The following CLASP2 variants were observed in gnomAD, a reference collection of about 807,000 sequenced individuals.
The protein encoded by CLASP2 is cytoplasmic linker associated protein 2.
Under a neutral mutation model 194.4 loss-of-function variants are expected in CLASP2, and 47 were observed. The ratio of observed to expected loss-of-function variants is 0.24; its 90% confidence interval spans 0.19 to 0.31. The LOEUF (loss-of-function observed/expected upper bound fraction) is 0.31. CLASP2 is among the 10% of genes least tolerant of loss of function. The pLI, the probability that CLASP2 is intolerant of heterozygous loss-of-function variation, is 1.00. For missense variants in CLASP2, 1,445 were observed against 1,823.6 expected, an observed-to-expected ratio of 0.79 and a Z score of 3.78; for synonymous variants, 619 against 633.5, an observed-to-expected ratio of 0.98 and a Z score of 0.34.
intron 12 of CLASP2, among the ~76,000 whole-genome samples, chr3:33,618,250 G>A (rs1282928404): frequency 1.3e-5 from 2 of 152,058 alleles, no homozygotes; most frequent in Admixed American, 6.6e-5. Flanking sequence ...GCCCGGCCTG[G>A]TGAGGATAAT....
At chr3:33,576,932 G>A in intron 23 of CLASP2, among the ~76,000 whole-genome samples, 1 of 146,148 alleles carries the variant, frequency 6.8e-6, no homozygotes, top group South Asian at 2.1e-4. Flanking sequence ...TATATACAAA[G>A]ATGAGAACAT....
At chr3:33,639,136 C>T (rs2080805088) in intron 8 of CLASP2, among the ~76,000 whole-genome samples, 1 of 152,160 alleles carries the variant, frequency 6.6e-6, no homozygotes, top group Admixed American at 6.5e-5. Flanking sequence ...CGGTGCACTA[C>T]AGCCTCAACC....
chr3:33,619,771 G>C, intron 11 of CLASP2, 33 bp from the exon 12 acceptor site: 1 of 1,511,158 alleles, frequency 6.6e-7, no homozygotes, highest in Non-Finnish European at 8.9e-7. Context: ...TTTTTTAATA[G>C]TTTAACATTA....
At chr3:33,583,604 G>C (rs1467154039) in intron 22 of CLASP2, among the ~76,000 whole-genome samples, 1 of 152,212 alleles carries the variant, frequency 6.6e-6, no homozygotes, top group Non-Finnish European at 1.5e-5. Context: ...GAAAATGTAT[G>C]TGTAAACTTT....
At chr3:33,713,412 A>C (rs1480129966) in intron 1 of CLASP2, among the ~76,000 whole-genome samples, 1 of 152,204 alleles carries the variant, frequency 6.6e-6, no homozygotes, top group African/African-American at 2.4e-5. Flanking sequence ...AATTAAAAAC[A>C]ACCTGGATGT....
In CLASP2 at chr3:33,501,864, T is replaced by C. The variant is rs920722747; in HGVS notation, c.4318-96A>G. The C allele has an allele frequency of 5.1e-6, 4 of 790,376 alleles. No individual in the cohort carries two copies. The African/African-American group carries it at 6.8e-5, about 13-fold the overall frequency. The allele number at this position is 790,376 out of a possible 1,614,324, so 49.0% of individuals were successfully genotyped here. ...GAAGATGCAGCTGAAAGATGAAATC[T>C]CGAGCATACTAAGGAGAGAAAAGTG... On this transcript the variant is annotated intron_variant, in intron 37 of 38. Transcript: ENST00000682230.
intron 21 of CLASP2, among the ~76,000 whole-genome samples, chr3:33,589,440 G>C (rs1261167227): frequency 6.6e-6 from 1 of 152,030 alleles, no homozygotes; most frequent in Non-Finnish European, 1.5e-5. Flanking sequence ...TTATGACAAA[G>C]TAAGGATGAT....
At chr3:33,710,686 G>A (rs2092958443) in intron 1 of CLASP2, among the ~76,000 whole-genome samples, 1 of 152,240 alleles carries the variant, frequency 6.6e-6, no homozygotes, top group Non-Finnish European at 1.5e-5. Context: ...TGTAATCCCA[G>A]TACTTTGGGA....
rs921919979 is a variant in CLASP2 at position 33,619,870 on chromosome 3, A to G, written c.1182-132T>C. On this transcript the variant is annotated intron_variant, in intron 11 of 38. Coordinates refer to ENST00000682230, the MANE Select transcript of CLASP2 (RefSeq NM_001365631.1). ...TTTAATCAGTTGTAATGGCAGAAAA[A>G]CAGAAGAAAGAAAGGGAAACCTAGA... is the stretch of plus-strand genomic sequence containing the variant. The G allele has an allele frequency of 8.3e-6, 6 of 718,732 alleles. No individual in the cohort carries two copies. In the South Asian group the frequency reaches 2.5e-4, roughly 30 times the overall value. 44.5% of individuals were successfully genotyped at this position (718,732 alleles called of 1,614,324 possible).
At chr3:33,629,570 G>A (rs1186704184) in intron 9 of CLASP2, among the ~76,000 whole-genome samples, 1 of 152,116 alleles carries the variant, frequency 6.6e-6, no homozygotes, top group African/African-American at 2.4e-5. Context: ...ATGTCTGATA[G>A]CTATATTAAG....
chr3:33,685,342 C>CAAAAAAA lies in CLASP2; in HGVS notation c.547-893_547-887dup, dbSNP rs56240569. ...GGGCAACAAGAGCGAAACTCCGTCTCAAAAAAAAAAAAAAAAAAAAAAAAA... is the reference window on the plus strand; with the variant it reads ...GGGCAACAAGAGCGAAACTCCGTCTCAAAAAAAAAAAAAAAAAAAAAAAAAAAAAAAA... On this transcript the variant is annotated intron_variant, in intron 5 of 38. Transcript: ENST00000682230. 5.6e-3 allele frequency among the ~76,000 whole-genome samples: 272 copies of CAAAAAAA among 48,146 alleles called. 21 individuals carry two copies. Among genetic ancestry groups the CAAAAAAA allele is most frequent in the East Asian group, 0.016 (22 of 1,382 alleles). The allele number at this position is 48,146 out of a possible 152,430, so 31.6% of individuals were successfully genotyped here. A position where few individuals can be genotyped will look rare whatever the true frequency, so the allele number is the denominator to read the frequency against.
chr3:33,547,509 CAT>C (rs2154153546), intron 30 of CLASP2, among the ~76,000 whole-genome samples: 1 of 152,290 alleles, frequency 6.6e-6, no homozygotes, highest in Admixed American at 6.5e-5. Context: ...ACTTCTTTTA[CAT>C]ATGTTGCTAA....
intron 1 of CLASP2, among the ~76,000 whole-genome samples, chr3:33,703,281 A>T (rs2092486766): frequency 2.0e-5 from 3 of 152,248 alleles, no homozygotes; most frequent in African/African-American, 7.2e-5. Context: ...AACTCAAAAA[A>T]TGGGCAAAAG....
intron 37 of CLASP2, among the ~76,000 whole-genome samples, chr3:33,505,921 A>G (rs2048043239): frequency 6.6e-6 from 1 of 152,096 alleles, no homozygotes; most frequent in South Asian, 2.1e-4. Context: ...CAGGCAACTC[A>G]CCACCTAAAA....
At chr3:33,499,030 T>C (rs35052230) in intron 38 of CLASP2, among the ~76,000 whole-genome samples, 36,323 of 152,078 alleles carry the variant, frequency 0.24, 4,843 homozygotes, top group Admixed American at 0.37. Flanking sequence ...GGTCTAGCTC[T>C]GTGTTCCCAC....
chr3:33,562,288 C>G (rs906731521), intron 27 of CLASP2, among the ~76,000 whole-genome samples: 8 of 152,146 alleles, frequency 5.3e-5, no homozygotes, highest in Non-Finnish European at 1.0e-4. Context: ...CCATAATCCC[C>G]CAAGAACTTG....
chr3:33,638,288 CTTTTT>C (rs942959927), intron 8 of CLASP2, among the ~76,000 whole-genome samples: 2 of 151,914 alleles, frequency 1.3e-5, no homozygotes, highest in African/African-American at 4.8e-5. Flanking sequence ...GATTTTCATT[CTTTTT>C]ATTTTTTTAT....
At chr3:33,591,195 T>C (rs9847821) in intron 21 of CLASP2, among the ~76,000 whole-genome samples, 4,413 of 152,026 alleles carry the variant, frequency 0.029, 210 homozygotes, top group African/African-American at 0.1. Context: ...GAAAAACAAA[T>C]AGTGAAGCAC....
At chr3:33,677,925 G>C (rs1487784343) in intron 6 of CLASP2, among the ~76,000 whole-genome samples, 1 of 116,654 alleles carries the variant, frequency 8.6e-6, no homozygotes, top group Non-Finnish European at 1.8e-5. Context: ...TTCTAACAAA[G>C]TACCAAAAAA....
Sources: allele counts gnomAD v4.1 joint callset (sites outside exome capture counted in the v4.1 genomes callset), GRCh38; gene constraint gnomAD v4.1.1; transcripts MANE v1.5; gene names NCBI Gene and HGNC (gene_info 2026-07-23, HGNC 2026-07-21).